Variants in SLC35D4 observed in about 807,000 individuals in gnomAD.
SLC35D4 encodes the protein solute carrier family 35 member D4, also known as UDP-N-acetylglucosamine transporter SLC35D4.
At chr18:23,255,884 T>TAACA in the SLC35D4 span, among the ~76,000 whole-genome samples, 3 of 152,170 alleles carry the variant, frequency 2.0e-5, no homozygotes, top group South Asian at 6.2e-4. Context: ...TCTTTTGATG[T>TAACA]AACAGATATT....
At chr18:23,330,736 G>A in the SLC35D4 span, among the ~76,000 whole-genome samples, 1 of 152,130 alleles carries the variant, frequency 6.6e-6, no homozygotes, top group Non-Finnish European at 1.5e-5. Flanking sequence ...ACGTTCATCT[G>A]TTCTCCATTA....
chr18:23,359,102 CA>C, the SLC35D4 span, among the ~76,000 whole-genome samples: 1 of 152,136 alleles, frequency 6.6e-6, no homozygotes, highest in Non-Finnish European at 1.5e-5. Context: ...AGTTTGTAAA[CA>C]AGGCTGGGCG....
the SLC35D4 span, among the ~76,000 whole-genome samples, chr18:23,321,032 A>G: frequency 6.6e-6 from 1 of 152,176 alleles, no homozygotes; most frequent in African/African-American, 2.4e-5. Context: ...AACCAGGTCA[A>G]TATGACTGCC....
chr18:23,376,528 G>A, the SLC35D4 span, among the ~76,000 whole-genome samples: 1 of 152,202 alleles, frequency 6.6e-6, no homozygotes, highest in Non-Finnish European at 1.5e-5. Flanking sequence ...ATGACCTAGA[G>A]AAGAATCCAA....
the SLC35D4 span, among the ~76,000 whole-genome samples, chr18:23,404,992 CAAAAAAAAAAAA>C: frequency 2.2e-5 from 1 of 44,498 alleles, no homozygotes; most frequent in Non-Finnish European, 4.5e-5. Flanking sequence ...GACTCCGTCT[CAAAAAAAAAAAA>C]AAAAAAAAAA....
the SLC35D4 span, among the ~76,000 whole-genome samples, chr18:23,309,152 T>C: frequency 6.6e-6 from 1 of 151,540 alleles, no homozygotes; most frequent in Non-Finnish European, 1.5e-5. Context: ...ATGCAACCAT[T>C]GCAGGCCTAA....
the SLC35D4 span, chr18:23,260,086 C>T: frequency 6.6e-6 from 1 of 152,218 alleles, no homozygotes; most frequent in Non-Finnish European, 1.5e-5. Flanking sequence ...GCAGCTGCCC[C>T]CAGGAGGAAA....
the SLC35D4 span, among the ~76,000 whole-genome samples, chr18:23,353,126 TGAGA>T: frequency 1.4e-4 from 21 of 149,414 alleles, no homozygotes; most frequent in African/African-American, 3.0e-4. Context: ...TGTGTGTATG[TGAGA>T]GAGAGAGAGA....
At chr18:23,319,190 G>C in the SLC35D4 span, among the ~76,000 whole-genome samples, 4 of 152,086 alleles carry the variant, frequency 2.6e-5, no homozygotes, top group Non-Finnish European at 4.4e-5. Flanking sequence ...TTTAGAGTCA[G>C]AAGGGAATGC....
chr18:23,429,565 G>A, the SLC35D4 span, among the ~76,000 whole-genome samples: 4 of 152,046 alleles, frequency 2.6e-5, no homozygotes, highest in African/African-American at 4.8e-5. Context: ...TAGTAGACAT[G>A]GGGTTTCGCC....
At chr18:23,412,907 G>C in the SLC35D4 span, among the ~76,000 whole-genome samples, 1 of 152,208 alleles carries the variant, frequency 6.6e-6, no homozygotes, top group South Asian at 2.1e-4. Flanking sequence ...GCCCAATTTA[G>C]AATAAGGCAG....
At chr18:23,257,189 T>A in the SLC35D4 span, 1 of 1,606,346 alleles carries the variant, frequency 6.2e-7, no homozygotes, top group Admixed American at 1.7e-5. Context: ...GATTTTAATT[T>A]CAAAATGAAC....
the SLC35D4 span, among the ~76,000 whole-genome samples, chr18:23,431,297 C>A: frequency 2.0e-5 from 3 of 151,988 alleles, no homozygotes; most frequent in East Asian, 5.8e-4. Flanking sequence ...GGAAGCACAG[C>A]AGCTGGGTCT....
chr18:23,257,410 G>A, the SLC35D4 span: 1 of 1,542,470 alleles, frequency 6.5e-7, no homozygotes, highest in African/African-American at 1.4e-5. Flanking sequence ...TTCTCAGCTT[G>A]GTGGAGCAGC....
the SLC35D4 span, among the ~76,000 whole-genome samples, chr18:23,305,216 TG>T: frequency 1.3e-5 from 2 of 152,376 alleles, no homozygotes; most frequent in Non-Finnish European, 2.9e-5. Context: ...AGGACTGTCT[TG>T]TCCTGGGTGA....
At chr18:23,251,418 T>C in the SLC35D4 span, among the ~76,000 whole-genome samples, 1 of 151,986 alleles carries the variant, frequency 6.6e-6, no homozygotes, top group Non-Finnish European at 1.5e-5. Flanking sequence ...GCCACTGTAC[T>C]CCAGCTTGGG....
At chr18:23,308,797 G>A in the SLC35D4 span, among the ~76,000 whole-genome samples, 1 of 151,806 alleles carries the variant, frequency 6.6e-6, no homozygotes, top group African/African-American at 2.4e-5. Context: ...TTATCTGAAA[G>A]TTAATGGAAA....
At chr18:23,252,695 C>G in the SLC35D4 span, among the ~76,000 whole-genome samples, 51 of 152,328 alleles carry the variant, frequency 3.3e-4, no homozygotes, top group Non-Finnish European at 5.4e-4. Flanking sequence ...ACCCCTCCCT[C>G]TCAGGCACTG....
the SLC35D4 span, among the ~76,000 whole-genome samples, chr18:23,358,686 C>T: frequency 0.016 from 2,429 of 152,276 alleles, 58 homozygotes; most frequent in African/African-American, 0.055. Context: ...CCTGCACCCA[C>T]TGTGTGTCAG....
Sources: gnomAD v4.1 joint callset for allele counts (sites outside exome capture counted in the v4.1 genomes callset) on GRCh38, gnomAD v4.1.1 for gene constraint, MANE v1.5 for transcripts, NCBI Gene and HGNC (gene_info 2026-07-23, HGNC 2026-07-21) for gene names.